Variants in DGLUCY observed in about 807,000 individuals in gnomAD.
DGLUCY encodes D-glutamate cyclase.
DGLUCY carries 58 observed loss-of-function variants against 58.5 expected under a neutral mutation model. The observed-to-expected ratio is 0.99, with a 90% CI of 0.80 to 1.23. The LOEUF (loss-of-function observed/expected upper bound fraction) is 1.23. DGLUCY is among the 50% of genes most tolerant of loss of function. DGLUCY has a pLI of 0.00. For synonymous variants in DGLUCY, 325 were observed against 314.1 expected (o/e 1.03, Z -0.37); for missense variants, 779 against 784.7 (o/e 0.99, Z 0.09).
exon 1 of DGLUCY, chr14:91,060,650 A>G (rs2043638396): frequency 2.2e-5 from 11 of 489,224 alleles, no homozygotes; most frequent in South Asian, 9.1e-5. Context: ...GCGCAACCAA[A>G]CCGCCCCCTG....
intron 1 of DGLUCY, among the ~76,000 whole-genome samples, chr14:91,116,612 G>T (rs142485340): frequency 4.6e-5 from 7 of 152,280 alleles, no homozygotes; most frequent in African/African-American, 1.7e-4. Context: ...CTGGGGGCAA[G>T]TTCATAGCAA....
chr14:91,107,120 C>T (rs888174023), upstream of DGLUCY, among the ~76,000 whole-genome samples: 1 of 152,218 alleles, frequency 6.6e-6, no homozygotes, highest in African/African-American at 2.4e-5. Flanking sequence ...TTTTTATGTA[C>T]AAGCGAGCTA....
chr14:91,084,910 G>A (rs1466204369), intron 1 of DGLUCY, among the ~76,000 whole-genome samples: 1 of 152,146 alleles, frequency 6.6e-6, no homozygotes, highest in Non-Finnish European at 1.5e-5. Flanking sequence ...AAGGGAGGGT[G>A]GTGGTGGTGT....
intron 1 of DGLUCY, among the ~76,000 whole-genome samples, chr14:91,124,437 A>G (rs1426850835): frequency 6.6e-6 from 1 of 152,246 alleles, no homozygotes; most frequent in Non-Finnish European, 1.5e-5. Flanking sequence ...TGGAGGTAGG[A>G]AACAGGTCCA....
In DGLUCY at chr14:91,127,024, A is replaced by G. The variant is rs188481035; in HGVS notation, c.-82+12741A>G. Among the ~76,000 whole-genome samples the G allele has an allele frequency of 4.7e-3, 676 of 142,352 alleles. 1 individual carries two copies. The highest frequency in any genetic ancestry group is 8.2e-3 in the Non-Finnish European group (537 of 65,672). 93.4% of individuals were successfully genotyped at this position (142,352 alleles called of 152,430 possible). A position where few individuals can be genotyped will look rare whatever the true frequency, so the allele number is the denominator to read the frequency against. Reference sequence around the variant, plus strand: ...ATCCAAGCAAAGCTGGCCGATGTACATTCTTCTCAGTCAGGCCTTGATGAT... The same window carrying G: ...ATCCAAGCAAAGCTGGCCGATGTACGTTCTTCTCAGTCAGGCCTTGATGAT... On this transcript the variant is annotated intron_variant, in intron 1 of 13. Transcript: ENST00000256324.
intron 6 of DGLUCY, among the ~76,000 whole-genome samples, chr14:91,175,581 G>A (rs1268975794): frequency 6.6e-6 from 1 of 152,120 alleles, no homozygotes; most frequent in Non-Finnish European, 1.5e-5. Context: ...GAGGTTAGGT[G>A]CATGAGATGT....
intron 7 of DGLUCY, among the ~76,000 whole-genome samples, chr14:91,180,361 C>T (rs2049101844): frequency 6.6e-6 from 1 of 151,582 alleles, no homozygotes; most frequent in Admixed American, 6.6e-5. Context: ...CACCTGAGGT[C>T]AGGAGTTTGA....
chr14:91,133,294 TCAACAA>T (rs748258195), intron 1 of DGLUCY, among the ~76,000 whole-genome samples: 14 of 151,956 alleles, frequency 9.2e-5, no homozygotes, highest in African/African-American at 1.2e-4. Context: ...AGACTCCGTC[TCAACAA>T]CAACAACAAC....
intron 13 of DGLUCY, among the ~76,000 whole-genome samples, chr14:91,218,135 G>A (rs796935752): frequency 3.3e-5 from 5 of 152,300 alleles, no homozygotes; most frequent in African/African-American, 4.8e-5. Context: ...GGCAGCTGTG[G>A]TGACATTTTC....
At chr14:91,105,857 T>C (rs1019957975), upstream of DGLUCY, among the ~76,000 whole-genome samples, 2 of 152,184 alleles carry the variant, frequency 1.3e-5, no homozygotes, top group African/African-American at 4.8e-5. Flanking sequence ...ACGACACATC[T>C]AGGCTATATG....
At chr14:91,186,249 C>T (rs1212846413) in intron 8 of DGLUCY, among the ~76,000 whole-genome samples, 1 of 151,134 alleles carries the variant, frequency 6.6e-6, no homozygotes, top group African/African-American at 2.4e-5. Flanking sequence ...TTCTTCTCCT[C>T]GCCCCCCCTT....
At chr14:91,084,673 T>A (rs188449759) in intron 1 of DGLUCY, among the ~76,000 whole-genome samples, 1 of 152,316 alleles carries the variant, frequency 6.6e-6, no homozygotes. Flanking sequence ...TTCCTCTCTA[T>A]AATCCTTAGC....
chr14:91,101,759 A>G (rs1275174619), intron 1 of DGLUCY, among the ~76,000 whole-genome samples: 1 of 152,220 alleles, frequency 6.6e-6, no homozygotes, highest in East Asian at 1.9e-4. Flanking sequence ...CCCAGGCTGG[A>G]ATGCAGTGGC....
Position 91,181,450 on chromosome 14 carries a change from G to A in DGLUCY, c.934+61G>A, listed in dbSNP as rs2049162553. 2.0e-6 allele frequency: 3 copies of A among 1,520,328 alleles called. No homozygotes were observed. The South Asian group carries it at 3.5e-5, about 18-fold the overall frequency. 94.2% of individuals were successfully genotyped at this position (1,520,328 alleles called of 1,614,324 possible). On this transcript the variant is annotated intron_variant, in intron 8 of 13. Transcript: ENST00000256324. ...GTAAGAAACAACACATTTGCACCTG[G>A]AGAAAATCACCTTTTCAGTGAAAAA... is the stretch of plus-strand genomic sequence containing the variant.
intron 1 of DGLUCY, among the ~76,000 whole-genome samples, chr14:91,116,891 C>A (rs1055680764): frequency 4.0e-5 from 6 of 151,596 alleles, no homozygotes; most frequent in African/African-American, 1.5e-4. Flanking sequence ...TTGCAGTGAG[C>A]CGAAATCGCC....
chr14:91,116,813 A>T (rs1468620435), intron 1 of DGLUCY, among the ~76,000 whole-genome samples: 1 of 152,000 alleles, frequency 6.6e-6, no homozygotes, highest in Non-Finnish European at 1.5e-5. Context: ...GTGTGGTGGT[A>T]TGCACCTGTA....
intron 3 of DGLUCY, among the ~76,000 whole-genome samples, chr14:91,162,682 A>C (rs1402747854): frequency 6.6e-6 from 1 of 152,176 alleles, no homozygotes; most frequent in Non-Finnish European, 1.5e-5. Flanking sequence ...GGATCACCTG[A>C]GGTCAGGCAT....
chr14:91,195,455 A>C (rs1375364028), intron 9 of DGLUCY, among the ~76,000 whole-genome samples: 1 of 152,132 alleles, frequency 6.6e-6, no homozygotes, highest in Non-Finnish European at 1.5e-5. Context: ...CAATATAAGT[A>C]AGTATCCCAA....
At chr14:91,095,071 A>G (rs2044372041) in intron 1 of DGLUCY, among the ~76,000 whole-genome samples, 1 of 152,098 alleles carries the variant, frequency 6.6e-6, no homozygotes, top group East Asian at 1.9e-4. Flanking sequence ...TCCTCTGGTC[A>G]TGAGACAGCA....
Sources: gnomAD v4.1 joint callset for allele counts (sites outside exome capture counted in the v4.1 genomes callset) on GRCh38, gnomAD v4.1.1 for gene constraint, MANE v1.5 for transcripts, NCBI Gene and HGNC (gene_info 2026-07-23, HGNC 2026-07-21) for gene names.